The following NEK11 variants were observed in gnomAD, a reference collection of about 807,000 sequenced individuals.
NEK11 encodes serine/threonine-protein kinase Nek11.
NEK11 carries 72 observed loss-of-function variants against 80.7 expected under a neutral mutation model. The observed-to-expected ratio is 0.89, with a 90% CI of 0.74 to 1.08. The LOEUF is 1.08. NEK11 is among the 50% of genes least tolerant of loss of function. The probability of loss-of-function intolerance (pLI) is 0.00; values close to 1 mark genes in which losing one functional copy is unlikely to be tolerated. For synonymous variants in NEK11, 251 were observed against 260.7 expected, an observed-to-expected ratio of 0.96 and a Z score of 0.36; for missense variants, 764 against 763.6, an observed-to-expected ratio of 1.00 and a Z score of -0.01.
At chr3:131,333,827 G>C (rs2097135958) in intron 17 of NEK11, among the ~76,000 whole-genome samples, 1 of 152,274 alleles carries the variant, frequency 6.6e-6, no homozygotes, top group Non-Finnish European at 1.5e-5. Context: ...CCTAGTCTCT[G>C]ATAAAACAGA....
At chr3:131,089,656 C>G (rs2076459609) in intron 4 of NEK11, among the ~76,000 whole-genome samples, 1 of 152,104 alleles carries the variant, frequency 6.6e-6, no homozygotes, top group African/African-American at 2.4e-5. Context: ...CCAGGCTGGT[C>G]TCGAACTCCT....
chr3:131,117,636 C>T (rs1003707459), intron 5 of NEK11, among the ~76,000 whole-genome samples: 14 of 152,132 alleles, frequency 9.2e-5, no homozygotes, highest in African/African-American at 2.9e-4. Context: ...TTCTTTGTGT[C>T]CTCTTTTATT....
chr3:131,191,140 T>A lies in NEK11; in HGVS notation c.1399+20253T>A, dbSNP rs181767584. ...AGTTTCAGTTTTTTCTTTGATAATTTCAAAAAATACATTTAATACCTAGAA... is the reference window on the plus strand; with the variant it reads ...AGTTTCAGTTTTTTCTTTGATAATTACAAAAAATACATTTAATACCTAGAA... On this transcript the variant is annotated intron_variant, in intron 14 of 17. Coordinates refer to ENST00000383366, the MANE Select transcript of NEK11 (RefSeq NM_024800.5). Among the ~76,000 whole-genome samples, 32 of 152,290 alleles carry A rather than the reference T, an allele frequency of 2.1e-4. 1 individual carries two copies. The highest frequency in any genetic ancestry group is 7.5e-4 in the African/African-American group (31 of 41,562).
chr3:131,201,105 T>C (rs896163860), intron 14 of NEK11, among the ~76,000 whole-genome samples: 1 of 151,742 alleles, frequency 6.6e-6, no homozygotes, highest in African/African-American at 2.4e-5. Context: ...AGAAGCAAGA[T>C]ATGAAAGATT....
intron 17 of NEK11, among the ~76,000 whole-genome samples, chr3:131,287,789 C>T (rs780907930): frequency 5.9e-5 from 9 of 152,098 alleles, no homozygotes; most frequent in African/African-American, 1.9e-4. Flanking sequence ...TGTGCTTCCT[C>T]GTGGCATCTC....
chr3:131,152,720 T>C lies in NEK11; in HGVS notation c.876+11T>C. Reference sequence around the variant, plus strand: ...GATGAGCAGCTACAGGTATTTAAAATGAAAGGGATTCTGGGAAACAGGTAT... The same window carrying C: ...GATGAGCAGCTACAGGTATTTAAAACGAAAGGGATTCTGGGAAACAGGTAT... On this transcript the variant is annotated intron_variant, in intron 9 of 17. Coordinates refer to ENST00000383366, the MANE Select transcript of NEK11 (RefSeq NM_024800.5). The C allele has an allele frequency of 6.3e-7, 1 of 1,584,118 alleles. No homozygotes were observed.
At chr3:131,100,541 G>A (rs1458520783) in intron 4 of NEK11, among the ~76,000 whole-genome samples, 3 of 152,148 alleles carry the variant, frequency 2.0e-5, no homozygotes, top group Non-Finnish European at 4.4e-5. Flanking sequence ...TTGCACTCCA[G>A]CACAAGTGAC....
chr3:131,137,752 A>C, intron 7 of NEK11, among the ~76,000 whole-genome samples: 1 of 152,228 alleles, frequency 6.6e-6, no homozygotes, highest in East Asian at 1.9e-4. Flanking sequence ...TAACATAGCT[A>C]ATAAATCCTT....
At chr3:131,343,557 T>C (rs1403528504) in intron 17 of NEK11, among the ~76,000 whole-genome samples, 1 of 152,194 alleles carries the variant, frequency 6.6e-6, no homozygotes, top group Non-Finnish European at 1.5e-5. Context: ...AGAGTATCTC[T>C]GTGAGGGCTT....
At chr3:131,067,205 G>A (rs2072201258) in intron 3 of NEK11, among the ~76,000 whole-genome samples, 1 of 152,190 alleles carries the variant, frequency 6.6e-6, no homozygotes, top group African/African-American at 2.4e-5. Flanking sequence ...CTCTGCCACT[G>A]GATTGCAAAG....
At chr3:131,284,499 C>A (rs1482235016) in intron 17 of NEK11, among the ~76,000 whole-genome samples, 3 of 152,096 alleles carry the variant, frequency 2.0e-5, no homozygotes, top group African/African-American at 7.2e-5. Flanking sequence ...CCCAATACTC[C>A]CTGTGATGGT....
At chr3:131,209,365 T>C (rs1431126528) in intron 14 of NEK11, among the ~76,000 whole-genome samples, 1 of 152,234 alleles carries the variant, frequency 6.6e-6, no homozygotes, top group African/African-American at 2.4e-5. Flanking sequence ...GATGTGCTGC[T>C]GGATTTGGTT....
intron 17 of NEK11, among the ~76,000 whole-genome samples, chr3:131,280,609 C>A (rs956289344): frequency 1.3e-5 from 2 of 152,114 alleles, no homozygotes; most frequent in Non-Finnish European, 2.9e-5. Context: ...TGGTTTGAGT[C>A]TTTTTGTTAC....
chr3:131,210,366 G>A (rs1450462971), intron 14 of NEK11, among the ~76,000 whole-genome samples: 6 of 152,062 alleles, frequency 3.9e-5, no homozygotes, highest in Non-Finnish European at 5.9e-5. Context: ...GTTCTTTTAC[G>A]TTTGCTGAGG....
intron 15 of NEK11, among the ~76,000 whole-genome samples, chr3:131,234,087 G>T (rs2095386807): frequency 6.6e-6 from 1 of 152,166 alleles, no homozygotes; most frequent in Admixed American, 6.5e-5. Context: ...ATAGCTGCAG[G>T]GCCATTGCAT....
chr3:131,220,109 T>C (rs969370640), intron 14 of NEK11, among the ~76,000 whole-genome samples: 1 of 152,176 alleles, frequency 6.6e-6, no homozygotes, highest in African/African-American at 2.4e-5. Flanking sequence ...TTCTTTTTGG[T>C]TTTTTGTTTG....
intron 14 of NEK11, among the ~76,000 whole-genome samples, chr3:131,189,706 ACTGT>A (rs2093722374): frequency 2.0e-5 from 3 of 152,250 alleles, no homozygotes; most frequent in South Asian, 4.1e-4. Context: ...ATTTAGGCAG[ACTGT>A]CTGGGTTATA....
At chr3:131,210,548 G>A (rs1182921286) in intron 14 of NEK11, among the ~76,000 whole-genome samples, 2 of 152,146 alleles carry the variant, frequency 1.3e-5, no homozygotes, top group East Asian at 1.9e-4. Flanking sequence ...CTGTCTCATT[G>A]TTCTGCCTAA....
intron 15 of NEK11, among the ~76,000 whole-genome samples, chr3:131,234,307 C>T (rs1561118935): frequency 1.3e-5 from 2 of 152,168 alleles, no homozygotes; most frequent in African/African-American, 4.8e-5. Context: ...TGTTGAGTCC[C>T]AGTAGTGGGA....
Sources: allele counts gnomAD v4.1 joint callset (sites outside exome capture counted in the v4.1 genomes callset), GRCh38; gene constraint gnomAD v4.1.1; transcripts MANE v1.5; gene names NCBI Gene and HGNC (gene_info 2026-07-23, HGNC 2026-07-21).